Variants in ARB2A observed in about 807,000 individuals in gnomAD.
The protein encoded by ARB2A is ARB2 cotranscriptional regulator A, also known as cotranscriptional regulator ARB2A.
the ARB2A span, among the ~76,000 whole-genome samples, chr5:93,775,217 C>G: frequency 2.4e-4 from 36 of 152,194 alleles, no homozygotes; most frequent in Middle Eastern, 3.4e-3. Context: ...AGTTCTATAC[C>G]TAGAATCTGA....
chr5:93,717,173 G>GA, the ARB2A span, among the ~76,000 whole-genome samples: 1 of 152,014 alleles, frequency 6.6e-6, no homozygotes, highest in Non-Finnish European at 1.5e-5. Context: ...ATAACACAAA[G>GA]AAAAAAATCC....
the ARB2A span, among the ~76,000 whole-genome samples, chr5:93,652,484 T>C: frequency 2.2e-4 from 34 of 152,240 alleles, 1 homozygote; most frequent in South Asian, 5.0e-3. Context: ...TTGTGAAAAA[T>C]TATATTAGAG....
the ARB2A span, among the ~76,000 whole-genome samples, chr5:93,806,594 A>G: frequency 2.0e-5 from 3 of 151,968 alleles, no homozygotes; most frequent in East Asian, 5.8e-4. Context: ...AAATGACATT[A>G]TCTAACCACT....
chr5:93,829,741 A>T, the ARB2A span, among the ~76,000 whole-genome samples: 1 of 152,200 alleles, frequency 6.6e-6, no homozygotes, highest in African/African-American at 2.4e-5. Flanking sequence ...AGAATGAATA[A>T]AACAGTTGGA....
the ARB2A span, among the ~76,000 whole-genome samples, chr5:94,045,879 GT>G: frequency 2.0e-5 from 3 of 151,858 alleles, no homozygotes; most frequent in East Asian, 5.8e-4. Context: ...CATCTTTAAC[GT>G]TGTCTTAAAT....
At chr5:93,844,689 T>G in the ARB2A span, among the ~76,000 whole-genome samples, 1 of 151,792 alleles carries the variant, frequency 6.6e-6, no homozygotes, top group African/African-American at 2.4e-5. Context: ...ATAAAGAAAA[T>G]GCTAAGATGA....
the ARB2A span, among the ~76,000 whole-genome samples, chr5:93,708,736 G>C: frequency 1.3e-5 from 2 of 151,812 alleles, no homozygotes; most frequent in Admixed American, 1.3e-4. Context: ...ACCTCGCTCT[G>C]CACCTTCCAA....
the ARB2A span, among the ~76,000 whole-genome samples, chr5:94,050,252 CTTTTTT>C: frequency 2.3e-5 from 3 of 132,618 alleles, no homozygotes; most frequent in Non-Finnish European, 4.9e-5. Context: ...AAAACAGAAA[CTTTTTT>C]TTTTTTTTTT....
the ARB2A span, among the ~76,000 whole-genome samples, chr5:93,787,194 C>T: frequency 6.6e-6 from 1 of 152,110 alleles, no homozygotes; most frequent in African/African-American, 2.4e-5. Flanking sequence ...ACCATGTGAT[C>T]TAAATGTCTC....
the ARB2A span, among the ~76,000 whole-genome samples, chr5:93,965,749 T>G: frequency 8.6e-5 from 13 of 152,038 alleles, no homozygotes; most frequent in Non-Finnish European, 1.5e-4. Context: ...TGAAACAAAA[T>G]CACAGGATGA....
the ARB2A span, among the ~76,000 whole-genome samples, chr5:93,703,705 C>T: frequency 1.3e-5 from 2 of 152,138 alleles, no homozygotes; most frequent in South Asian, 2.1e-4. Context: ...CACCAGTGGC[C>T]GAAGGGTGGC....
the ARB2A span, among the ~76,000 whole-genome samples, chr5:94,072,180 G>A: frequency 1.3e-5 from 2 of 152,104 alleles, no homozygotes; most frequent in Non-Finnish European, 2.9e-5. Context: ...CTAAAGGGAT[G>A]GAGAACAGAT....
At chr5:94,033,778 T>G in the ARB2A span, among the ~76,000 whole-genome samples, 1 of 152,172 alleles carries the variant, frequency 6.6e-6, no homozygotes, top group African/African-American at 2.4e-5. Context: ...GAGACACAAA[T>G]GGAGTGCTAT....
At chr5:94,095,927 CAG>C in the ARB2A span, among the ~76,000 whole-genome samples, 4 of 152,070 alleles carry the variant, frequency 2.6e-5, no homozygotes, top group Non-Finnish European at 2.9e-5. Flanking sequence ...CTTCTGAGAC[CAG>C]AGTCTTATCC....
chr5:93,719,765 A>G, the ARB2A span, among the ~76,000 whole-genome samples: 17 of 152,290 alleles, frequency 1.1e-4, no homozygotes, highest in African/African-American at 3.4e-4. Flanking sequence ...TCCATCTACT[A>G]TCTATCTCCA....
At chr5:93,857,835 C>T in the ARB2A span, among the ~76,000 whole-genome samples, 14 of 152,324 alleles carry the variant, frequency 9.2e-5, no homozygotes, top group South Asian at 2.3e-3. Flanking sequence ...GAGATGAACC[C>T]GGTACCTCAG....
chr5:93,707,896 T>C, the ARB2A span, among the ~76,000 whole-genome samples: 130 of 152,250 alleles, frequency 8.5e-4, no homozygotes, highest in Non-Finnish European at 4.3e-4. Flanking sequence ...AATTTCTTTG[T>C]TGATCTTTAA....
chr5:93,828,092 A>G, the ARB2A span, among the ~76,000 whole-genome samples: 2 of 152,122 alleles, frequency 1.3e-5, no homozygotes, highest in Admixed American at 1.3e-4. Context: ...TTGGTTCCAT[A>G]TGAACTTTAA....
chr5:93,926,883 G>A, the ARB2A span, among the ~76,000 whole-genome samples: 1 of 151,574 alleles, frequency 6.6e-6, no homozygotes, highest in East Asian at 1.9e-4. Flanking sequence ...GACATATAAA[G>A]AAAACACTGA....
Sources: gnomAD v4.1 joint callset for allele counts (sites outside exome capture counted in the v4.1 genomes callset) on GRCh38, gnomAD v4.1.1 for gene constraint, MANE v1.5 for transcripts, NCBI Gene and HGNC (gene_info 2026-07-23, HGNC 2026-07-21) for gene names.